The following PCA3 variants were observed in gnomAD, a reference collection of about 807,000 sequenced individuals.
PCA3 encodes prostate cancer associated 3, also known as Differential Display code 3.
chr9:76,775,470 T>TG (rs1554762438), intron 2 of PCA3, among the ~76,000 whole-genome samples: 165 of 134,748 alleles, frequency 1.2e-3, no homozygotes, highest in African/African-American at 3.9e-3. Flanking sequence ...CTAATTTTTG[T>TG]GGTTTTTTTT....
chr9:76,775,717 G>A (rs908206141), intron 2 of PCA3, among the ~76,000 whole-genome samples: 22 of 152,336 alleles, frequency 1.4e-4, no homozygotes, highest in Admixed American at 9.8e-4. Flanking sequence ...TCTTGGATGT[G>A]AAAATAGTTG....
intron 2 of PCA3, among the ~76,000 whole-genome samples, chr9:76,776,893 TACACACACACACACACACACACACAC>T (rs541232508): frequency 8.6e-6 from 1 of 115,616 alleles, no homozygotes; most frequent in Non-Finnish European, 1.7e-5. Flanking sequence ...CCAAAACACA[TACACACACACACACACACACACACAC>T]ACACACACAC....
At chr9:76,777,519 G>A (rs1015150758) in intron 2 of PCA3, among the ~76,000 whole-genome samples, 6 of 152,118 alleles carry the variant, frequency 3.9e-5, no homozygotes, top group African/African-American at 9.7e-5. Flanking sequence ...ACTCCTTTGC[G>A]CCTTCCCAAA....
intron 2 of PCA3, among the ~76,000 whole-genome samples, chr9:76,776,289 C>T (rs970087032): frequency 6.6e-6 from 1 of 152,090 alleles, no homozygotes; most frequent in African/African-American, 2.4e-5. Flanking sequence ...ACCACCCTCC[C>T]GCCTTCCCAC....
At chr9:76,779,909 A>C in intron 2 of PCA3, 1 of 152,252 alleles carries the variant, frequency 6.6e-6, no homozygotes, top group African/African-American at 2.4e-5. Context: ...TTTTTCACAA[A>C]GAAATCGCAT....
At position 76,767,491 on chromosome 9, in the gene PCA3, A is replaced by G. The variant is rs549422293; in HGVS notation, n.852+30876A>G. Reference sequence around the variant, plus strand: ...AGAAAGAAAAAAGCACAGATTCTTTATTTTCCTTGCTTTCCACTTCTTCCT... The same window carrying G: ...AGAAAGAAAAAAGCACAGATTCTTTGTTTTCCTTGCTTTCCACTTCTTCCT... On this transcript the variant is annotated intron_variant and non_coding_transcript_variant, in intron 2 of 5. Coordinates refer to ENST00000644657, the Ensembl canonical transcript of PCA3. Among the ~76,000 whole-genome samples, 342 of 151,864 alleles carry G rather than the reference A, an allele frequency of 2.3e-3. 2 individuals carry two copies. The South Asian group carries it at 0.028, about 13-fold the overall frequency.
intron 2 of PCA3, chr9:76,778,808 C>T (rs1330593340): frequency 2.0e-5 from 3 of 152,150 alleles, no homozygotes; most frequent in Admixed American, 6.5e-5. Context: ...TGGCATAACA[C>T]CAAATTTAAT....
chr9:76,769,499 CG>C (rs2130907087), intron 2 of PCA3, among the ~76,000 whole-genome samples: 2 of 152,214 alleles, frequency 1.3e-5, no homozygotes, highest in African/African-American at 4.8e-5. Flanking sequence ...CTCGGCTCGT[CG>C]TCGCAACCTC....
chr9:76,778,861 T>C (rs2054076381), intron 2 of PCA3: 1 of 152,218 alleles, frequency 6.6e-6, no homozygotes, highest in Non-Finnish European at 1.5e-5. Flanking sequence ...TCTCATAGTT[T>C]TGTCATGGCC....
At chr9:76,779,939 T>A (rs1438107168) in intron 2 of PCA3, 1 of 152,218 alleles carries the variant, frequency 6.6e-6, no homozygotes, top group Non-Finnish European at 1.5e-5. Context: ...TGGTAAAATA[T>A]AAGTCTATTA....
intron 2 of PCA3, among the ~76,000 whole-genome samples, chr9:76,773,087 T>G (rs2053292625): frequency 6.6e-6 from 1 of 152,214 alleles, no homozygotes; most frequent in African/African-American, 2.4e-5. Context: ...ATTTATAACC[T>G]GAGATCCTAC....
intron 2 of PCA3, among the ~76,000 whole-genome samples, chr9:76,773,063 T>C (rs937622059): frequency 3.3e-5 from 5 of 152,318 alleles, no homozygotes; most frequent in African/African-American, 4.8e-5. Flanking sequence ...AACAATATAA[T>C]TTCTTACATT....
chr9:76,783,898 TA>T (rs2054694107), intron 2 of PCA3: 1 of 152,200 alleles, frequency 6.6e-6, no homozygotes, highest in African/African-American at 2.4e-5. Context: ...GTAAGTGCTT[TA>T]TAAAGCACTC....
At chr9:76,782,167 T>C (rs1304313799) in intron 2 of PCA3, among the ~76,000 whole-genome samples, 1 of 151,970 alleles carries the variant, frequency 6.6e-6, no homozygotes, top group Non-Finnish European at 1.5e-5. Context: ...TGAGCCAAGA[T>C]GGTGCCACTG....
intron 2 of PCA3, among the ~76,000 whole-genome samples, chr9:76,774,450 CTTTTTTTTTTTTT>C (rs869289049): frequency 2.4e-5 from 1 of 41,396 alleles, no homozygotes; most frequent in Non-Finnish European, 3.9e-5. Flanking sequence ...CAGTTCAACC[CTTTTTTTTTTTTT>C]TTTTTTTTTT....
At chr9:76,781,171 G>A (rs754186350) in intron 2 of PCA3, among the ~76,000 whole-genome samples, 12 of 152,110 alleles carry the variant, frequency 7.9e-5, no homozygotes, top group Non-Finnish European at 1.6e-4. Flanking sequence ...GAAGGCAGCC[G>A]CTAACCCATC....
chr9:76,770,550 G>A (rs921652891), intron 2 of PCA3, among the ~76,000 whole-genome samples: 4 of 152,078 alleles, frequency 2.6e-5, no homozygotes, highest in African/African-American at 9.7e-5. Flanking sequence ...GAAATATCTG[G>A]TGAAATATTA....
At chr9:76,774,327 G>C (rs937285082) in intron 2 of PCA3, among the ~76,000 whole-genome samples, 1 of 151,766 alleles carries the variant, frequency 6.6e-6, no homozygotes, top group Non-Finnish European at 1.5e-5. Context: ...TTGTAAAGAT[G>C]GGGTTTCACC....
intron 2 of PCA3, among the ~76,000 whole-genome samples, chr9:76,773,644 A>G (rs1363722347): frequency 6.6e-6 from 1 of 152,054 alleles, no homozygotes; most frequent in African/African-American, 2.4e-5. Flanking sequence ...GGGTTTTGCC[A>G]TGTTGGCCAG....
Sources: allele counts gnomAD v4.1 joint callset (sites outside exome capture counted in the v4.1 genomes callset), GRCh38; gene constraint gnomAD v4.1.1; transcripts MANE v1.5; gene names NCBI Gene and HGNC (gene_info 2026-07-23, HGNC 2026-07-21).